WDR20: variants seen among roughly 807,000 people sequenced by gnomAD.
WDR20 encodes WD repeat-containing protein 20.
WDR20 carries 3 observed loss-of-function variants against 38.7 expected under a neutral mutation model. The ratio of observed to expected loss-of-function variants is 0.08; its 90% confidence interval spans 0.04 to 0.20. WDR20 has a LOEUF of 0.20. WDR20 is among the 10% of genes least tolerant of loss of function. WDR20 has a pLI of 1.00. For missense variants in WDR20, 559 were observed against 727.7 expected, an observed-to-expected ratio of 0.77 and a Z score of 2.67; for synonymous variants, 298 against 285.6, an observed-to-expected ratio of 1.04 and a Z score of -0.44.
At chr14:102,139,662 G>C (rs984538672), upstream of WDR20, 4 of 650,002 alleles carry the variant, frequency 6.2e-6, no homozygotes, top group Admixed American at 3.0e-5. Context: ...CTGGGAAGCA[G>C]CCATGCCGCC....
At chr14:102,183,332 A>G (rs964945049) in intron 1 of WDR20, among the ~76,000 whole-genome samples, 2 of 152,242 alleles carry the variant, frequency 1.3e-5, no homozygotes. Context: ...GAATTACAGA[A>G]GCCAAGTCAA....
intron 1 of WDR20, among the ~76,000 whole-genome samples, chr14:102,155,338 A>C (rs1012245919): frequency 6.6e-6 from 1 of 152,228 alleles, no homozygotes; most frequent in Non-Finnish European, 1.5e-5. Context: ...TCATTCTACT[A>C]TCTCTCACAT....
Position 102,208,519 on chromosome 14 carries a change from G to A in WDR20, c.433-84G>A, listed in dbSNP as rs1391823990. 3 of 1,496,452 alleles carry A rather than the reference G, an allele frequency of 2.0e-6. No homozygotes were observed. The highest frequency in any genetic ancestry group is 2.3e-5 in the East Asian group (1 of 43,608). 92.7% of individuals were successfully genotyped at this position (1,496,452 alleles called of 1,614,324 possible). ...CTGGATAGACTTGCCCCTTCCCATC[G>A]AGAAGCACACAAGTTTTCTTGCTGG... On this transcript the variant is annotated intron_variant, in intron 2 of 2. Coordinates refer to ENST00000342702, the MANE Select transcript of WDR20 (RefSeq NM_144574.4). This position sits in a 1 kb window ranked among gnomAD's most constrained non-coding sequence, Gnocchi z 5.6.
At chr14:102,175,767 A>T (rs982725180) in intron 1 of WDR20, among the ~76,000 whole-genome samples, 1 of 152,094 alleles carries the variant, frequency 6.6e-6, no homozygotes, top group Non-Finnish European at 1.5e-5. Context: ...TTTCATGTCA[A>T]TGGTTAGATA....
chr14:102,197,819 C>A (rs1369746468), intron 2 of WDR20: 1 of 702,742 alleles, frequency 1.4e-6, no homozygotes, highest in Non-Finnish European at 2.6e-6. Flanking sequence ...GGTAGCAAGA[C>A]CAGTGAGGAG....
chr14:102,146,903 G>C (rs2053848699), intron 1 of WDR20, among the ~76,000 whole-genome samples: 5 of 152,156 alleles, frequency 3.3e-5, no homozygotes. Context: ...ACTTAATTTA[G>C]TAGGTCACAG....
intron 1 of WDR20, among the ~76,000 whole-genome samples, chr14:102,148,429 A>G (rs1289227554): frequency 6.6e-6 from 1 of 151,788 alleles, no homozygotes; most frequent in Non-Finnish European, 1.5e-5. Context: ...GGCCCCAGCT[A>G]TTCAGGTGGC....
chr14:102,187,385 T>C (rs1012764118), intron 1 of WDR20, among the ~76,000 whole-genome samples: 3 of 149,642 alleles, frequency 2.0e-5, no homozygotes, highest in African/African-American at 5.1e-5. Flanking sequence ...GGTGAAGGGG[T>C]CTGGAAGAAT....
rs1487147750 is a variant in WDR20, at chr14:102,209,454, T to C, written c.1284T>C (p.Pro428=). Residue 428 remains proline (P), a synonymous_variant, in exon 3 of 3, where the codon CCT becomes CCC. Transcript: ENST00000342702. The surrounding 1 kb of genome is among the most constrained non-coding windows in gnomAD (Gnocchi z 6.0). ...VTTPGNSVPP[P]LPRSNSLPHS... ...CACCCGGGAACTCTGTGCCGCCTCC[T>C]CTGCCACGGTCCAACAGCCTTCCAC... The C allele has an allele frequency of 1.2e-6, 2 of 1,614,080 alleles. No individual in the cohort carries two copies. Among genetic ancestry groups the C allele is most frequent in the African/African-American group, 2.7e-5 (2 of 74,928 alleles).
chr14:102,160,613 G>A lies in WDR20; in HGVS notation c.249+20441G>A, dbSNP rs74576379. 3.7e-3 allele frequency among the ~76,000 whole-genome samples: 563 copies of A among 151,958 alleles called. 19 individuals are homozygous for A. The East Asian group carries it at 0.083, about 22-fold the overall frequency. On this transcript the variant is annotated intron_variant, in intron 1 of 2. Transcript: ENST00000342702. Reference sequence around the variant, plus strand: ...GTGGATGTACCATAATTTATTTGACGACATCACTCTTGATTGATTGATGAT... The same window carrying A: ...GTGGATGTACCATAATTTATTTGACAACATCACTCTTGATTGATTGATGAT...
At chr14:102,192,798 AG>A (rs2058731199) in intron 1 of WDR20, among the ~76,000 whole-genome samples, 1 of 152,072 alleles carries the variant, frequency 6.6e-6, no homozygotes, top group African/African-American at 2.4e-5. Context: ...ATATTCTTTC[AG>A]GGGAAAGTTC....
upstream of WDR20, chr14:102,139,852 A>T (rs2050243781): frequency 6.4e-7 from 1 of 1,572,106 alleles, no homozygotes; most frequent in Non-Finnish European, 8.7e-7. Flanking sequence ...GGGAAGAGGG[A>T]GCACCAGGAA....
At chr14:102,183,686 C>T (rs1295200220) in intron 1 of WDR20, among the ~76,000 whole-genome samples, 2 of 152,214 alleles carry the variant, frequency 1.3e-5, no homozygotes, top group Non-Finnish European at 2.9e-5. Context: ...TTTGTAGGCC[C>T]TCTGCACAAC....
rs560364372 is a variant in WDR20 at position 102,222,768 on chromosome 14, C to T, written c.1693-62C>T. 2.6e-5 allele frequency: 42 copies of T among 1,590,312 alleles called. No individual in the cohort carries two copies. The highest frequency in any genetic ancestry group is 1.3e-4 in the South Asian group (12 of 90,304). On this transcript the variant is annotated intron_variant, in intron 3 of 3. Transcript: ENST00000335263. The surrounding 1 kb of genome is among the most constrained non-coding windows in gnomAD (Gnocchi z 4.4). ...CACGTGGAGCTGCTGGCGGAGGGCG[C>T]GCATGGTGGCTGTTGCCCGTCCGGT...
chr14:102,217,036 A>G (rs1278665733), downstream of WDR20, among the ~76,000 whole-genome samples: 1 of 152,202 alleles, frequency 6.6e-6, no homozygotes, highest in Non-Finnish European at 1.5e-5. Flanking sequence ...AGAGGCTCTC[A>G]GCTCCCTACC....
At chr14:102,147,414 T>C (rs1039616373) in intron 1 of WDR20, among the ~76,000 whole-genome samples, 1 of 152,142 alleles carries the variant, frequency 6.6e-6, no homozygotes, top group African/African-American at 2.4e-5. Context: ...TGGGTAGATA[T>C]GAGCAATGGT....
At position 102,222,690 on chromosome 14, in the gene WDR20, A is replaced by AGTG. The variant is rs2064051257; in HGVS notation, c.1693-138_1693-136dup. On this transcript the variant is annotated intron_variant, in intron 3 of 3. Coordinates refer to the WDR20 transcript ENST00000335263. This position sits in a 1 kb window ranked among gnomAD's most constrained non-coding sequence, Gnocchi z 4.4. ...ATCTGGATAGGAATTAAATAGATGA[A>AGTG]GTGGAGGGTTTGCTCCCACACTGGC... The AGTG allele has an allele frequency of 5.0e-6, 4 of 797,352 alleles. No individual in the cohort carries two copies. Among genetic ancestry groups the AGTG allele is most frequent in the African/African-American group, 3.4e-5 (2 of 59,200 alleles). 49.4% of individuals were successfully genotyped at this position (797,352 alleles called of 1,614,324 possible). A position where few individuals can be genotyped will look rare whatever the true frequency, so the allele number is the denominator to read the frequency against.
intron 1 of WDR20, among the ~76,000 whole-genome samples, chr14:102,176,109 T>C (rs1314930484): frequency 6.6e-6 from 1 of 152,146 alleles, no homozygotes; most frequent in Non-Finnish European, 1.5e-5. Context: ...AAAGTGAAAG[T>C]CAGGGCTGGA....
At chr14:102,203,527 G>A (rs1041737668) in intron 2 of WDR20, among the ~76,000 whole-genome samples, 1 of 152,092 alleles carries the variant, frequency 6.6e-6, no homozygotes, top group African/African-American at 2.4e-5. Context: ...CTGAGTCCCA[G>A]CTCACAACTC....
Sources: allele counts gnomAD v4.1 joint callset (sites outside exome capture counted in the v4.1 genomes callset), GRCh38; gene constraint gnomAD v4.1.1; non-coding constraint Gnocchi (gnomAD v3.1); transcripts MANE v1.5; gene names NCBI Gene and HGNC (gene_info 2026-07-23, HGNC 2026-07-21).